AGBL1: variants seen among roughly 807,000 people sequenced by gnomAD.
The protein encoded by AGBL1 is cytosolic carboxypeptidase 4.
AGBL1 carries 130 observed loss-of-function variants against 118.9 expected under a neutral mutation model. The ratio of observed to expected loss-of-function variants is 1.09; its 90% confidence interval spans 0.95 to 1.26. The LOEUF is 1.26. Ranked by LOEUF, AGBL1 falls within the 50% of genes most tolerant of loss-of-function variation. The pLI, the probability that AGBL1 is intolerant of heterozygous loss-of-function variation, is 0.00. For synonymous variants in AGBL1, 555 were observed against 478.9 expected (o/e 1.16, Z -2.08); for missense variants, 1,584 against 1,298.1 (o/e 1.22, Z -3.38).
intron 5 of AGBL1, among the ~76,000 whole-genome samples, chr15:86,162,318 G>C (rs933840052): frequency 6.6e-6 from 1 of 152,134 alleles, no homozygotes; most frequent in Admixed American, 6.5e-5. Context: ...GCCCAGTGTT[G>C]TGTCATGATG....
intron 1 of AGBL1, among the ~76,000 whole-genome samples, chr15:86,081,512 G>A (rs765251817): frequency 1.3e-5 from 2 of 152,198 alleles, no homozygotes; most frequent in African/African-American, 4.8e-5. Context: ...TTGACTTGGC[G>A]TCCTTTGACT....
intron 5 of AGBL1, among the ~76,000 whole-genome samples, chr15:86,219,458 A>T (rs1298584217): frequency 6.6e-6 from 1 of 152,170 alleles, no homozygotes; most frequent in East Asian, 1.9e-4. Context: ...TCTTATACCC[A>T]CTTTATAAAT....
chr15:86,498,210 C>T (rs760568902), intron 18 of AGBL1, among the ~76,000 whole-genome samples: 8 of 151,788 alleles, frequency 5.3e-5, no homozygotes, highest in Non-Finnish European at 8.8e-5. Flanking sequence ...TAATTGACCC[C>T]CAATTCAGAA....
chr15:86,456,378 G>A (rs2142077709), intron 18 of AGBL1, among the ~76,000 whole-genome samples: 1 of 152,220 alleles, frequency 6.6e-6, no homozygotes, highest in East Asian at 1.9e-4. Flanking sequence ...ATCTAGCATG[G>A]GATTTCCAAA....
intron 23 of AGBL1, among the ~76,000 whole-genome samples, chr15:86,960,129 G>C (rs1253369463): frequency 6.6e-6 from 1 of 152,038 alleles, no homozygotes; most frequent in South Asian, 2.1e-4. Context: ...AAAATGCAGG[G>C]TACTACTTAT....
At chr15:86,144,202 C>G (rs763339957) in intron 3 of AGBL1, among the ~76,000 whole-genome samples, 1 of 152,168 alleles carries the variant, frequency 6.6e-6, no homozygotes, top group Admixed American at 6.5e-5. Flanking sequence ...AAAAGGAACA[C>G]TTATACACTG....
chr15:86,086,211 G>A (rs1326945939), intron 1 of AGBL1: 1 of 152,170 alleles, frequency 6.6e-6, no homozygotes, highest in East Asian at 1.9e-4. Flanking sequence ...TCCAGCCCTG[G>A]GAGATGGGGA....
chr15:86,966,013 A>G (rs980442812), intron 23 of AGBL1, among the ~76,000 whole-genome samples: 1 of 152,040 alleles, frequency 6.6e-6, no homozygotes, highest in Non-Finnish European at 1.5e-5. Flanking sequence ...CATCATCATA[A>G]TAATAATAAA....
In AGBL1 at chr15:86,603,131, G is replaced by T. The variant is rs554465821; in HGVS notation, c.2994+48594G>T. Among the ~76,000 whole-genome samples, 19 of 152,220 alleles carry T rather than the reference G, an allele frequency of 1.2e-4. No individual in the cohort carries two copies. In the South Asian group the frequency reaches 1.7e-3, roughly 13 times the overall value. ...TGGCATCTCTCAGCCAGAGGAGGTG[G>T]TTTCCTTTTATTCTCAGAACTCAAG... On this transcript the variant is annotated intron_variant, in intron 21 of 22. Coordinates refer to ENST00000614907, the MANE Select transcript of AGBL1 (RefSeq NM_001386094.1).
At chr15:86,934,573 A>G (rs1218562469) in intron 23 of AGBL1, among the ~76,000 whole-genome samples, 1 of 152,078 alleles carries the variant, frequency 6.6e-6, no homozygotes, top group East Asian at 1.9e-4. Context: ...ACTGTCTCCC[A>G]AAGTTCTTGG....
intron 1 of AGBL1, among the ~76,000 whole-genome samples, chr15:86,081,129 T>C (rs573214952): frequency 3.3e-5 from 5 of 152,110 alleles, no homozygotes; most frequent in Non-Finnish European, 7.4e-5. Flanking sequence ...CTACAACTTT[T>C]GCCTCCCAGG....
In AGBL1 at chr15:86,377,747, A is replaced by G. The variant is rs140618933; in HGVS notation, c.2375-19619A>G. Among the ~76,000 whole-genome samples, 376 of 152,308 alleles carry G rather than the reference A, an allele frequency of 2.5e-3. 2 individuals carry two copies. The highest frequency in any genetic ancestry group is 8.7e-3 in the African/African-American group (360 of 41,578). On this transcript the variant is annotated intron_variant, in intron 17 of 22. Coordinates refer to ENST00000614907, the MANE Select transcript of AGBL1 (RefSeq NM_001386094.1). ...GGGGGCTGCCATGCTCACTAGGTCC[A>G]GGAGCTAGATATTCCCAGCCCATTC...
chr15:86,371,189 G>T (rs2080965840), intron 17 of AGBL1, among the ~76,000 whole-genome samples: 2 of 152,182 alleles, frequency 1.3e-5, no homozygotes, highest in South Asian at 2.1e-4. Context: ...CTGCAAATCT[G>T]GAGAAAAGAG....
At chr15:86,731,878 G>C (rs1596416197) in intron 22 of AGBL1, among the ~76,000 whole-genome samples, 2 of 152,194 alleles carry the variant, frequency 1.3e-5, no homozygotes. Context: ...GAACTGGCTT[G>C]ACCGTTGATT....
At chr15:86,121,301 A>G (rs1898081167) in intron 1 of AGBL1, among the ~76,000 whole-genome samples, 1 of 152,240 alleles carries the variant, frequency 6.6e-6, no homozygotes, top group African/African-American at 2.4e-5. Flanking sequence ...AAGAATAACA[A>G]CTATTAATAT....
chr15:86,322,741 A>C (rs2080122854), intron 17 of AGBL1, among the ~76,000 whole-genome samples: 2 of 152,190 alleles, frequency 1.3e-5, no homozygotes, highest in South Asian at 4.1e-4. Flanking sequence ...AGATGAAGTT[A>C]AATTATTTAC....
At chr15:86,286,923 T>C (rs1362522409) in intron 16 of AGBL1, among the ~76,000 whole-genome samples, 5 of 151,932 alleles carry the variant, frequency 3.3e-5, no homozygotes, top group Non-Finnish European at 5.9e-5. Context: ...TTTTAATTTT[T>C]TGAGGAAACT....
chr15:86,661,947 C>T (rs138804773), intron 21 of AGBL1, among the ~76,000 whole-genome samples: 1 of 152,320 alleles, frequency 6.6e-6, no homozygotes, highest in Admixed American at 6.5e-5. Context: ...CCACTTTCCA[C>T]ATAAATTATG....
At chr15:86,274,784 C>A (rs2079219983) in intron 15 of AGBL1, among the ~76,000 whole-genome samples, 1 of 152,194 alleles carries the variant, frequency 6.6e-6, no homozygotes, top group Non-Finnish European at 1.5e-5. Flanking sequence ...TCGAGACAGC[C>A]ATGCCAATCC....
Sources: gnomAD v4.1 joint callset for allele counts (sites outside exome capture counted in the v4.1 genomes callset) on GRCh38, gnomAD v4.1.1 for gene constraint, MANE v1.5 for transcripts, NCBI Gene and HGNC (gene_info 2026-07-23, HGNC 2026-07-21) for gene names.